Variants in ZNF385D observed in about 807,000 individuals in gnomAD.
ZNF385D encodes zinc finger protein 385D.
A neutral mutation model predicts 35.8 loss-of-function variants in ZNF385D; 15 were observed. The observed-to-expected ratio is 0.42, with a 90% CI of 0.28 to 0.64. ZNF385D has a LOEUF of 0.64. Among genes scored for constraint, ZNF385D ranks in the 30% least tolerant of loss-of-function variants. The pLI is 0.23. For synonymous variants in ZNF385D, 212 were observed against 186.8 expected (o/e 1.13, Z -1.10); for missense variants, 474 against 494.6 (o/e 0.96, Z 0.39).
chr3:21,871,750 A>C (rs1697701970), intron 3 of ZNF385D, among the ~76,000 whole-genome samples: 1 of 152,112 alleles, frequency 6.6e-6, no homozygotes, highest in South Asian at 2.1e-4. Flanking sequence ...TCACACCTTT[A>C]ATCCCAGCAC....
chr3:22,348,485 T>TGA (rs1227585221), intron 2 of ZNF385D, among the ~76,000 whole-genome samples: 1 of 84,934 alleles, frequency 1.2e-5, no homozygotes, highest in Non-Finnish European at 2.1e-5. Context: ...CCATCTCTAC[T>TGA]AAAAAAAAAA....
chr3:22,132,503 G>T (rs978039391), intron 3 of ZNF385D, among the ~76,000 whole-genome samples: 1 of 152,114 alleles, frequency 6.6e-6, no homozygotes, highest in Non-Finnish European at 1.5e-5. Context: ...CTAAGAATAA[G>T]ATATAGGTAA....
At chr3:21,706,664 G>C (rs1020330197) in intron 1 of ZNF385D, among the ~76,000 whole-genome samples, 17 of 152,268 alleles carry the variant, frequency 1.1e-4, no homozygotes, top group Non-Finnish European at 2.1e-4. Context: ...AGGTAGAAAA[G>C]AGTCAGTTAT....
intron 1 of ZNF385D, among the ~76,000 whole-genome samples, chr3:21,736,345 T>G (rs530850567): frequency 4.3e-4 from 65 of 152,224 alleles, no homozygotes; most frequent in Non-Finnish European, 8.1e-4. Flanking sequence ...CTAAGCCTAT[T>G]GTGTGCTAAA....
At chr3:21,938,464 A>C (rs755851679) in intron 3 of ZNF385D, among the ~76,000 whole-genome samples, 37 of 152,322 alleles carry the variant, frequency 2.4e-4, no homozygotes, top group Middle Eastern at 3.4e-3. Flanking sequence ...TGGCCTACCC[A>C]CAGCACATAC....
At position 21,664,896 on chromosome 3, in the gene ZNF385D, T is replaced by C. The variant is rs1182659694; in HGVS notation, c.155A>G (p.Asn52Ser). The change falls in exon 2 of 8, where the codon AAT becomes AGT. Residue 52 changes from asparagine (N) to serine (S), a missense_variant. Coordinates refer to ENST00000281523, the MANE Select transcript of ZNF385D (RefSeq NM_024697.3). ...DTAAAVNLFP[N>S]FNAMDPIQKA... ...TTGGCAGGTACTTACCGCATTGAAATTGGGGAAGAGGTTGACTGCAGCTGC... is the reference window on the plus strand; with the variant it reads ...TTGGCAGGTACTTACCGCATTGAAACTGGGGAAGAGGTTGACTGCAGCTGC... 2.5e-6 allele frequency: 4 copies of C among 1,613,512 alleles called. No individual in the cohort carries two copies. Among genetic ancestry groups the C allele is most frequent in the Non-Finnish European group, 3.4e-6 (4 of 1,179,640 alleles).
chr3:21,832,260 C>G lies in ZNF385D; in HGVS notation c.326-167232G>C, dbSNP rs539361177. Among the ~76,000 whole-genome samples, 13 of 152,286 alleles carry G rather than the reference C, an allele frequency of 8.5e-5. No homozygotes were observed. In the South Asian group the frequency reaches 2.7e-3, roughly 32 times the overall value. ...AAAATAAAAAAAGATTATAGCATTT[C>G]CTCAACTGCAACAAGTCTTACAGAA... On this transcript the variant is annotated intron_variant, in intron 3 of 5. Transcript: ENST00000494108.
chr3:22,278,499 A>G (rs1701548954), intron 2 of ZNF385D, among the ~76,000 whole-genome samples: 1 of 152,124 alleles, frequency 6.6e-6, no homozygotes, highest in South Asian at 2.1e-4. Flanking sequence ...GGTGGATCCA[A>G]TGACTTTCCG....
At chr3:21,907,959 A>G (rs259507) in intron 3 of ZNF385D, among the ~76,000 whole-genome samples, 7,977 of 152,186 alleles carry the variant, frequency 0.052, 299 homozygotes, top group Non-Finnish European at 0.075. Context: ...AGCAAACTAT[A>G]GAAATAAAAA....
Position 21,416,485 on chromosome 3 carries a change from C to A in ZNF385D, c.*4729G>T, listed in dbSNP as rs570754643. ...AACCTATCCGTCTTTCACTGGACAC[C>A]CTGATACCACTCTCAGAAATACCAT... On this transcript the variant is annotated 3_prime_UTR_variant, in exon 8 of 8. Transcript: ENST00000281523. The A allele has an allele frequency of 3.9e-5, 6 of 152,138 alleles. No individual in the cohort carries two copies. The South Asian group carries it at 1.2e-3, about 32-fold the overall frequency. The allele number at this position is 152,138 out of a possible 1,614,324, so 9.4% of individuals were successfully genotyped here.
At chr3:21,678,152 T>C (rs1284218995) in intron 1 of ZNF385D, among the ~76,000 whole-genome samples, 2 of 152,052 alleles carry the variant, frequency 1.3e-5, no homozygotes, top group African/African-American at 4.8e-5. Flanking sequence ...AGACAGACAA[T>C]AGAATAATGC....
At chr3:21,826,271 T>G (rs1306272148) in intron 3 of ZNF385D, among the ~76,000 whole-genome samples, 1 of 152,106 alleles carries the variant, frequency 6.6e-6, no homozygotes, top group South Asian at 2.1e-4. Flanking sequence ...GGCTGGTACG[T>G]AGGAGAGAAC....
chr3:21,757,732 A>G (rs767014665), intron 3 of ZNF385D, among the ~76,000 whole-genome samples: 3 of 152,130 alleles, frequency 2.0e-5, no homozygotes, highest in Admixed American at 6.5e-5. Flanking sequence ...AACCTCTTTC[A>G]CCTTTATCTC....
chr3:21,973,668 T>G (rs1703410909), intron 3 of ZNF385D, among the ~76,000 whole-genome samples: 1 of 152,018 alleles, frequency 6.6e-6, no homozygotes, highest in Admixed American at 6.6e-5. Flanking sequence ...ATTTTATATT[T>G]GGAAAAACCT....
chr3:21,979,830 T>C (rs369226301), intron 3 of ZNF385D: 3 of 152,144 alleles, frequency 2.0e-5, no homozygotes, highest in Admixed American at 2.0e-4. Context: ...TTCAAAACAT[T>C]GTATGAGCAT....
intron 2 of ZNF385D, among the ~76,000 whole-genome samples, chr3:22,369,497 G>T (rs896743338): frequency 6.6e-6 from 1 of 151,856 alleles, no homozygotes; most frequent in Non-Finnish European, 1.5e-5. Context: ...AACTCTCTAG[G>T]CAAGTTATTA....
chr3:21,777,975 A>T (rs2071352687), intron 3 of ZNF385D, among the ~76,000 whole-genome samples: 1 of 151,836 alleles, frequency 6.6e-6, no homozygotes, highest in South Asian at 2.1e-4. Context: ...CCTTGATCAA[A>T]CAGACCCCAG....
intron 3 of ZNF385D, among the ~76,000 whole-genome samples, chr3:21,798,246 T>TTG (rs1559631967): frequency 6.6e-6 from 1 of 152,060 alleles, no homozygotes; most frequent in Non-Finnish European, 1.5e-5. Flanking sequence ...ATGACACAGG[T>TTG]TGTCTGGTTC....
intron 3 of ZNF385D, among the ~76,000 whole-genome samples, chr3:22,059,496 T>A (rs961017892): frequency 1.3e-5 from 2 of 152,126 alleles, no homozygotes; most frequent in African/African-American, 4.8e-5. Context: ...AAGCGATGAG[T>A]GACAGACGTA....
Sources: gnomAD v4.1 joint callset for allele counts (sites outside exome capture counted in the v4.1 genomes callset) on GRCh38, gnomAD v4.1.1 for gene constraint, MANE v1.5 for transcripts, NCBI Gene and HGNC (gene_info 2026-07-23, HGNC 2026-07-21) for gene names.